Variants in DLC1 observed in about 807,000 individuals in gnomAD.
The protein encoded by DLC1 is rho GTPase-activating protein 7.
A neutral mutation model predicts 140.3 loss-of-function variants in DLC1; 54 were observed. The observed-to-expected ratio is 0.38, with a 90% CI of 0.31 to 0.48. The LOEUF is 0.48. DLC1 is among the 20% of genes least tolerant of loss of function. The pLI is 0.96. For missense variants in DLC1, 2,536 were observed against 1,907.0 expected, an observed-to-expected ratio of 1.33 and a Z score of -6.14; for synonymous variants, 986 against 728.1, an observed-to-expected ratio of 1.35 and a Z score of -5.70.
intron 1 of DLC1, chr8:13,567,976 A>G: frequency 6.7e-7 from 1 of 1,495,082 alleles, no homozygotes. Flanking sequence ...TTTGTTGTGT[A>G]TTTGAGTAAT....
chr8:13,537,634 A>G (rs1477307916), intron 1 of DLC1, among the ~76,000 whole-genome samples: 1 of 149,428 alleles, frequency 6.7e-6, no homozygotes, highest in Non-Finnish European at 1.5e-5. Context: ...TGGTAATAGT[A>G]ACAACAGCTA....
At chr8:13,344,743 A>T (rs1834246639) in intron 4 of DLC1, among the ~76,000 whole-genome samples, 1 of 152,212 alleles carries the variant, frequency 6.6e-6, no homozygotes, top group South Asian at 2.1e-4. Context: ...ACGATTAGGA[A>T]AGCACGTGTG....
chr8:13,355,650 C>T lies in DLC1; in HGVS notation c.1314+37903G>A, dbSNP rs1399204200. Among the ~76,000 whole-genome samples, 3 of 152,204 alleles carry T rather than the reference C, an allele frequency of 2.0e-5. No individual in the cohort carries two copies. In the East Asian group the frequency reaches 5.8e-4, roughly 29 times the overall value. On this transcript the variant is annotated intron_variant, in intron 4 of 17. Transcript: ENST00000276297. ...ACAATTACATCTGGGGTTAGGGCTTCAATATATGAATTTTGCAAGGACCCA... is the reference window on the plus strand; with the variant it reads ...ACAATTACATCTGGGGTTAGGGCTTTAATATATGAATTTTGCAAGGACCCA...
rs151073128 is a variant in DLC1 at position 13,176,303 on chromosome 8, G to C, written c.1349-60646C>G. Among the ~76,000 whole-genome samples the C allele has an allele frequency of 7.9e-3, 1,202 of 152,286 alleles. 15 individuals carry two copies. The highest frequency in any genetic ancestry group is 0.027 in the African/African-American group (1,127 of 41,558). On this transcript the variant is annotated intron_variant, in intron 5 of 17. Transcript: ENST00000276297. ...CTAATAAAAACTCTCTTTTGTCCGGGTGTGGTGGTTCACTCCTGTAATCCC... is the reference window on the plus strand; with the variant it reads ...CTAATAAAAACTCTCTTTTGTCCGGCTGTGGTGGTTCACTCCTGTAATCCC...
At chr8:13,567,962 T>A (rs1804513589) in intron 1 of DLC1, 1 of 1,519,014 alleles carries the variant, frequency 6.6e-7, no homozygotes, top group African/African-American at 1.4e-5. Context: ...TGTGGATAGA[T>A]GTCTTTGTTG....
rs1461672385 is a variant in DLC1 at position 13,291,943 on chromosome 8, C to G, written c.1348+13326G>C. Reference sequence around the variant, plus strand: ...ACATTAGTGCTGTTATTTTGCCTCGCTCAGATTCTACCAGGAAACAGACAA... The same window carrying G: ...ACATTAGTGCTGTTATTTTGCCTCGGTCAGATTCTACCAGGAAACAGACAA... On this transcript the variant is annotated intron_variant, in intron 5 of 17. Coordinates refer to ENST00000276297, the MANE Select transcript of DLC1 (RefSeq NM_182643.3). Among the ~76,000 whole-genome samples, 4 of 151,536 alleles carry G rather than the reference C, an allele frequency of 2.6e-5. No individual in the cohort carries two copies. The South Asian group carries it at 6.2e-4, about 24-fold the overall frequency.
chr8:13,201,808 A>G (rs1431625127), intron 5 of DLC1, among the ~76,000 whole-genome samples: 1 of 149,318 alleles, frequency 6.7e-6, no homozygotes, highest in East Asian at 2.0e-4. Flanking sequence ...ACATTTATTT[A>G]TTTTATGTTC....
intron 5 of DLC1, among the ~76,000 whole-genome samples, chr8:13,211,687 A>G (rs1723706116): frequency 6.6e-6 from 1 of 152,220 alleles, no homozygotes; most frequent in Admixed American, 6.5e-5. Flanking sequence ...ACAAAACACA[A>G]TAACACCTTA....
intron 5 of DLC1, among the ~76,000 whole-genome samples, chr8:13,249,139 C>T (rs956246173): frequency 5.3e-5 from 8 of 152,138 alleles, no homozygotes; most frequent in Non-Finnish European, 1.0e-4. Context: ...TGCAATGGCG[C>T]GATCTTCGCT....
At chr8:13,173,378 T>TA (rs1825590531) in intron 5 of DLC1, among the ~76,000 whole-genome samples, 1 of 146,274 alleles carries the variant, frequency 6.8e-6, no homozygotes, top group South Asian at 2.2e-4. Flanking sequence ...CTTTTTTTTT[T>TA]TTTTTTTTTT....
intron 4 of DLC1, among the ~76,000 whole-genome samples, chr8:13,329,281 T>C (rs1833492942): frequency 6.6e-6 from 1 of 152,184 alleles, no homozygotes; most frequent in African/African-American, 2.4e-5. Flanking sequence ...TATAGAGCTT[T>C]CCAATTTTTT....
rs1563383365 is a variant in DLC1, at chr8:13,479,823, GA to G, written c.1023+19225del. On this transcript the variant is annotated intron_variant, in intron 2 of 17. Transcript: ENST00000276297. ...AAGAAAAGAAGAAGAAGAAGAAGAA[GA>G]AGAAGAAGAAGAAGAAGAAGAAGAA... Among the ~76,000 whole-genome samples, 13 of 8,342 alleles carry G rather than the reference GA, an allele frequency of 1.6e-3. 1 individual carries two copies. The highest frequency in any genetic ancestry group is 2.4e-3 in the African/African-American group (11 of 4,542). 5.5% of individuals were successfully genotyped at this position (8,342 alleles called of 152,430 possible).
intron 5 of DLC1, among the ~76,000 whole-genome samples, chr8:13,138,267 C>T (rs375750182): frequency 1.3e-5 from 2 of 152,194 alleles, no homozygotes; most frequent in Non-Finnish European, 2.9e-5. Context: ...GGCTTAGTGG[C>T]TTGTTGACCT....
chr8:13,521,510 C>G (rs535474929), intron 1 of DLC1, among the ~76,000 whole-genome samples: 1 of 152,264 alleles, frequency 6.6e-6, no homozygotes, highest in East Asian at 1.9e-4. Flanking sequence ...CTCCTACACC[C>G]TCTGCTCCCC....
intron 3 of DLC1, among the ~76,000 whole-genome samples, chr8:13,396,196 A>G (rs1837037556): frequency 6.6e-6 from 1 of 150,978 alleles, no homozygotes; most frequent in Admixed American, 6.6e-5. Context: ...AGTAGCTGGG[A>G]TTACAGGCGC....
chr8:13,500,347 G>A (rs1315488392), intron 1 of DLC1, among the ~76,000 whole-genome samples, 151 bp from the exon 2 acceptor site: 1 of 152,066 alleles, frequency 6.6e-6, no homozygotes, highest in Non-Finnish European at 1.5e-5. Context: ...ATTTCTTTAA[G>A]AAGCCTAATA....
chr8:13,165,454 T>C (rs551718350), intron 5 of DLC1, among the ~76,000 whole-genome samples: 2 of 152,354 alleles, frequency 1.3e-5, no homozygotes, highest in East Asian at 3.9e-4. Flanking sequence ...GGAGACATTC[T>C]GAGCTTCACA....
At chr8:13,178,814 C>G (rs10087824) in intron 5 of DLC1, among the ~76,000 whole-genome samples, 1 of 151,842 alleles carries the variant, frequency 6.6e-6, no homozygotes, top group Non-Finnish European at 1.5e-5. Flanking sequence ...GTGGAGCAAA[C>G]GAAACTCTTA....
chr8:13,313,214 G>A (rs1586117771), intron 4 of DLC1, among the ~76,000 whole-genome samples: 1 of 152,026 alleles, frequency 6.6e-6, no homozygotes, highest in Non-Finnish European at 1.5e-5. Context: ...CTCTGAACAC[G>A]AGGATGAACC....
Sources: allele counts gnomAD v4.1 joint callset (sites outside exome capture counted in the v4.1 genomes callset), GRCh38; gene constraint gnomAD v4.1.1; transcripts MANE v1.5; gene names NCBI Gene and HGNC (gene_info 2026-07-23, HGNC 2026-07-21).